Variants in DOCK5 observed in about 807,000 individuals in gnomAD.
The protein encoded by DOCK5 is dedicator of cytokinesis 5.
Under a neutral mutation model 251.8 loss-of-function variants are expected in DOCK5, and 142 were observed. That is an observed-to-expected ratio of 0.56 (90% CI 0.49 to 0.65). DOCK5 has a LOEUF of 0.65. Ranked by LOEUF, DOCK5 falls within the 30% of genes least tolerant of loss-of-function variation. The pLI, the probability that DOCK5 is intolerant of heterozygous loss-of-function variation, is 0.00. For missense variants in DOCK5, 2,111 were observed against 2,312.3 expected (o/e 0.91, Z 1.79); for synonymous variants, 842 against 835.5 (o/e 1.01, Z -0.13).
rs1296426296 is a variant in DOCK5 at position 25,412,249 on chromosome 8, C to A, written c.*951C>A. 6.6e-6 allele frequency: 1 copy of A among 152,082 alleles called. No homozygotes were observed. Among genetic ancestry groups the A allele is most frequent in the Non-Finnish European group, 1.5e-5 (1 of 68,020 alleles). The allele number at this position is 152,082 out of a possible 1,614,324, so 9.4% of individuals were successfully genotyped here. ...TCCTGGAGAATACAGTGCAATATTTCTCTTTGATTATTTATTCCTCTTGAT... is the reference window on the plus strand; with the variant it reads ...TCCTGGAGAATACAGTGCAATATTTATCTTTGATTATTTATTCCTCTTGAT... On this transcript the variant is annotated 3_prime_UTR_variant, in exon 52 of 52. Transcript: ENST00000276440.
rs1801390956 is a variant in DOCK5, at chr8:25,184,914, C to A, written c.6C>A (p.Ala2=). M[A]RWIPTKRQKY... is the part of the protein sequence containing the mutation. ...CGCGGGGCGAGGTCGCCGCCATGGC[C>A]CGCTGGATCCCGACCAAGAGGCAGA... Residue 2 remains alanine, a synonymous_variant, in exon 1 of 52, where the codon GCC becomes GCA. Coordinates refer to ENST00000276440, the MANE Select transcript of DOCK5 (RefSeq NM_024940.8). 9.8e-6 allele frequency: 14 copies of A among 1,435,272 alleles called. No individual in the cohort carries two copies. The highest frequency in any genetic ancestry group is 1.3e-5 in the Non-Finnish European group (14 of 1,084,512). 88.9% of individuals were successfully genotyped at this position (1,435,272 alleles called of 1,614,324 possible).
At chr8:25,330,877 A>G (rs1057184048) in intron 18 of DOCK5, among the ~76,000 whole-genome samples, 6 of 152,136 alleles carry the variant, frequency 3.9e-5, no homozygotes, top group African/African-American at 1.4e-4. Context: ...CAGGAGTTCA[A>G]GACCAGCCTG....
chr8:25,396,653 A>C (rs1355975998), intron 45 of DOCK5, among the ~76,000 whole-genome samples: 1 of 152,132 alleles, frequency 6.6e-6, no homozygotes, highest in African/African-American at 2.4e-5. Flanking sequence ...TTTGGATATA[A>C]ATCAACATTT....
At chr8:25,340,259 G>A (rs962898257) in intron 22 of DOCK5, among the ~76,000 whole-genome samples, 4 of 152,158 alleles carry the variant, frequency 2.6e-5, no homozygotes, top group Admixed American at 6.5e-5. Flanking sequence ...TCTGATTAAC[G>A]ATCTCAGTGA....
At position 25,410,939 on chromosome 8, in the gene DOCK5, A is replaced by AATGTGTGTGTGTGTG. The variant is rs1554513012; in HGVS notation, c.5509-255_5509-254insATGTGTGTGTGTGTG. On this transcript the variant is annotated intron_variant, in intron 51 of 51. Coordinates refer to ENST00000276440, the MANE Select transcript of DOCK5 (RefSeq NM_024940.8). ...TATGGCAGCGAGAGAGAGAGAGAAA[A>AATGTGTGTGTGTGTG]TGTGTGTGTGTGTGTGTGTGTGTGT... Among the ~76,000 whole-genome samples, 913 of 101,202 alleles carry AATGTGTGTGTGTGTG rather than the reference A, an allele frequency of 9.0e-3. 3 individuals are homozygous for AATGTGTGTGTGTGTG. Among genetic ancestry groups the AATGTGTGTGTGTGTG allele is most frequent in the East Asian group, 0.024 (56 of 2,332 alleles). The allele number at this position is 101,202 out of a possible 152,430, so 66.4% of individuals were successfully genotyped here. A position where few individuals can be genotyped will look rare whatever the true frequency, so the allele number is the denominator to read the frequency against.
At chr8:25,314,648 C>T (rs867680223) in intron 13 of DOCK5, among the ~76,000 whole-genome samples, 3 of 136,636 alleles carry the variant, frequency 2.2e-5, no homozygotes, top group Admixed American at 1.5e-4. Context: ...TCTATCTAAC[C>T]GTCCACCTAT....
Position 25,357,457 on chromosome 8 carries a change from C to G in DOCK5, c.2851-1506C>G, listed in dbSNP as rs181901616. ...GCAGTGGCAGAATCTCGGCTCACTGCGTCTCTGCCTCCCAGGTTCAAGCAA... is the reference window on the plus strand; with the variant it reads ...GCAGTGGCAGAATCTCGGCTCACTGGGTCTCTGCCTCCCAGGTTCAAGCAA... On this transcript the variant is annotated intron_variant, in intron 27 of 51. Transcript: ENST00000276440. 4.3e-3 allele frequency among the ~76,000 whole-genome samples: 617 copies of G among 144,030 alleles called. 5 individuals carry two copies. Among genetic ancestry groups the G allele is most frequent in the African/African-American group, 0.015 (595 of 38,874 alleles). The allele number at this position is 144,030 out of a possible 152,430, so 94.5% of individuals were successfully genotyped here. A position where few individuals can be genotyped will look rare whatever the true frequency, so the allele number is the denominator to read the frequency against.
chr8:25,222,548 T>C (rs141246604), intron 1 of DOCK5, among the ~76,000 whole-genome samples: 3,523 of 152,236 alleles, frequency 0.023, 59 homozygotes, highest in Non-Finnish European at 0.037. Context: ...AGTAAGAAGA[T>C]CTCTAAATTC....
intron 1 of DOCK5, among the ~76,000 whole-genome samples, chr8:25,185,744 C>G (rs996050405): frequency 1.3e-5 from 2 of 152,114 alleles, no homozygotes; most frequent in African/African-American, 4.8e-5. Flanking sequence ...CTGGAGAGCC[C>G]CGGGTTGTGC....
chr8:25,233,717 CT>C (rs922500483), intron 1 of DOCK5, among the ~76,000 whole-genome samples: 21 of 152,184 alleles, frequency 1.4e-4, no homozygotes, highest in African/African-American at 4.6e-4. Context: ...ACTTTTCTTT[CT>C]TTTTTAAAAT....
intron 1 of DOCK5, among the ~76,000 whole-genome samples, chr8:25,235,401 T>G (rs75294801): frequency 0.011 from 1,707 of 152,172 alleles, 15 homozygotes; most frequent in Non-Finnish European, 0.017. Context: ...GCTAGGACCA[T>G]AGGCACACAC....
intron 30 of DOCK5, among the ~76,000 whole-genome samples, chr8:25,365,561 G>A (rs1035812786): frequency 1.1e-4 from 16 of 152,192 alleles, no homozygotes; most frequent in South Asian, 6.2e-4. Context: ...GAATTTTCTG[G>A]CGTTTAAATA....
rs1197699904 is a variant in DOCK5 at position 25,412,919 on chromosome 8, G to T, written c.*1621G>T. 6.6e-6 allele frequency: 1 copy of T among 152,196 alleles called. No homozygotes were observed. Among genetic ancestry groups the T allele is most frequent in the Non-Finnish European group, 1.5e-5 (1 of 68,052 alleles). 9.4% of individuals were successfully genotyped at this position (152,196 alleles called of 1,614,324 possible). A position where few individuals can be genotyped will look rare whatever the true frequency, so the allele number is the denominator to read the frequency against. On this transcript the variant is annotated 3_prime_UTR_variant, in exon 52 of 52. Transcript: ENST00000276440. ...GCGTTACTTAAGAAATGAGTATGCA[G>T]ATTCTGGAAGGGGTGTGGAAAAGGT...
chr8:25,367,274 A>G (rs902775982), intron 31 of DOCK5, among the ~76,000 whole-genome samples: 3 of 152,222 alleles, frequency 2.0e-5, no homozygotes, highest in Admixed American at 6.5e-5. Context: ...CAGCTTCCCC[A>G]AATTGCAGGC....
At chr8:25,208,851 T>A (rs1802064245) in intron 1 of DOCK5, among the ~76,000 whole-genome samples, 1 of 152,202 alleles carries the variant, frequency 6.6e-6, no homozygotes, top group Non-Finnish European at 1.5e-5. Context: ...AATATGCCCA[T>A]GACCTTCATT....
At chr8:25,300,072 A>G (rs1396602476) in intron 8 of DOCK5, among the ~76,000 whole-genome samples, 1 of 151,960 alleles carries the variant, frequency 6.6e-6, no homozygotes, top group African/African-American at 2.4e-5. Context: ...TGCCCAACCA[A>G]TTTTTGTATT....
chr8:25,196,863 G>A (rs1369685785), intron 1 of DOCK5, among the ~76,000 whole-genome samples: 3 of 152,176 alleles, frequency 2.0e-5, no homozygotes, highest in Non-Finnish European at 4.4e-5. Context: ...TAGCGGAATT[G>A]AACCGTATGT....
intron 25 of DOCK5, among the ~76,000 whole-genome samples, chr8:25,344,407 T>C (rs1257554733): frequency 6.6e-6 from 1 of 152,126 alleles, no homozygotes; most frequent in Non-Finnish European, 1.5e-5. Context: ...TTTATGTATG[T>C]ATATTGCCTG....
chr8:25,199,138 T>C (rs1431681028), intron 1 of DOCK5, among the ~76,000 whole-genome samples: 2 of 152,152 alleles, frequency 1.3e-5, no homozygotes, highest in Non-Finnish European at 2.9e-5. Context: ...TGTGGCATTG[T>C]TACTACATCA....
Sources: allele counts gnomAD v4.1 joint callset (sites outside exome capture counted in the v4.1 genomes callset), GRCh38; gene constraint gnomAD v4.1.1; transcripts MANE v1.5; gene names NCBI Gene and HGNC (gene_info 2026-07-23, HGNC 2026-07-21).